Variants in EIF2AK2 observed in about 807,000 individuals in gnomAD.
The protein encoded by EIF2AK2 is interferon-induced, double-stranded RNA-activated protein kinase.
Under a neutral mutation model 70.5 loss-of-function variants are expected in EIF2AK2, and 40 were observed. That is an observed-to-expected ratio of 0.57 (90% CI 0.44 to 0.74). The LOEUF is 0.74. EIF2AK2 is among the 30% of genes least tolerant of loss of function. EIF2AK2 has a pLI of 0.00. For synonymous variants in EIF2AK2, 198 were observed against 220.9 expected (o/e 0.90, Z 0.92); for missense variants, 555 against 644.3 (o/e 0.86, Z 1.50).
At chr2:37,151,460 T>C (rs540981071) in intron 1 of EIF2AK2, among the ~76,000 whole-genome samples, 22 of 152,168 alleles carry the variant, frequency 1.4e-4, no homozygotes, top group South Asian at 4.1e-4. Context: ...AAAATAAGTG[T>C]TGGTGAGGAC....
At chr2:37,111,035 A>C (rs969397915) in intron 14 of EIF2AK2, among the ~76,000 whole-genome samples, 2 of 152,230 alleles carry the variant, frequency 1.3e-5, no homozygotes, top group Non-Finnish European at 2.9e-5. Flanking sequence ...TATGCTGAGT[A>C]AAATAAGCCA....
intron 10 of EIF2AK2, 54 bp from the exon 11 acceptor site, chr2:37,126,465 C>T (rs573478724): frequency 3.8e-6 from 6 of 1,574,550 alleles, no homozygotes; most frequent in South Asian, 3.5e-5. Flanking sequence ...CCCCCACCCC[C>T]CCGCCTCCCC....
chr2:37,148,803 T>C (rs1675645782), intron 2 of EIF2AK2, 54 bp downstream of exon 2: 4 of 824,636 alleles, frequency 4.9e-6, no homozygotes, highest in South Asian at 2.7e-5. Context: ...TTGCATGTAA[T>C]TGACTTAGAT....
chr2:37,153,479 A>G (rs1357425071), intron 1 of EIF2AK2, among the ~76,000 whole-genome samples: 1 of 151,730 alleles, frequency 6.6e-6, no homozygotes, highest in East Asian at 1.9e-4. Context: ...AGCTGGGACC[A>G]TAGGCGTGGG....
intron 5 of EIF2AK2, among the ~76,000 whole-genome samples, chr2:37,140,247 C>T (rs1675281952): frequency 1.3e-5 from 2 of 152,140 alleles, no homozygotes; most frequent in East Asian, 1.9e-4. Flanking sequence ...GCCATCTGCT[C>T]ATGTGCACAA....
At position 37,109,217 on chromosome 2, in the gene EIF2AK2, C is replaced by G; in HGVS notation, c.1456G>C (p.Asp486His). ...LILAELLHVC[D>H]TAFETSKFFT... is the part of the protein sequence containing the mutation. ...ACCTTTGATGTTTCAAAAGCAGTGT[C>G]ACATACATGAAGAAGTTCAGCAAGA... is the stretch of plus-strand genomic sequence containing the variant. Residue 486 changes from aspartate (D) to histidine (H), a missense_variant, in exon 15 of 17, where the codon GAC (aspartate) becomes CAC (histidine). Physicochemically the swap from Asp to His is moderately conservative, Grantham distance 81. This residue lies in a region of EIF2AK2 where 299 missense variants were observed against 375.4 expected (regional missense o/e 0.80). Coordinates refer to ENST00000233057, the MANE Select transcript of EIF2AK2 (RefSeq NM_001135651.3). The G allele has an allele frequency of 6.2e-7, 1 of 1,614,070 alleles. No individual in the cohort carries two copies. Among genetic ancestry groups the G allele is most frequent in the Non-Finnish European group, 8.5e-7 (1 of 1,179,974 alleles).
chr2:37,107,454 G>A lies in EIF2AK2; in HGVS notation c.1533+20C>T. On this transcript the variant is annotated intron_variant, in intron 16 of 16. Transcript: ENST00000233057. ...AAAACATTGAAATAAATAAAATTCT[G>A]ATGATTTTCAAGTGCTTACTTCTTT... 1 of 1,611,756 alleles carries A rather than the reference G, an allele frequency of 6.2e-7. No homozygotes were observed. The highest frequency in any genetic ancestry group is 8.5e-7 in the Non-Finnish European group (1 of 1,179,390).
chr2:37,154,293 C>A (rs1372399565), intron 1 of EIF2AK2, among the ~76,000 whole-genome samples: 1 of 151,334 alleles, frequency 6.6e-6, no homozygotes, highest in Non-Finnish European at 1.5e-5. Context: ...CCATTGCACT[C>A]CAGCCTGGGC....
intron 5 of EIF2AK2, 118 bp from the exon 6 acceptor site, chr2:37,139,875 A>G: frequency 1.9e-6 from 2 of 1,049,338 alleles, no homozygotes; most frequent in East Asian, 2.7e-5. Flanking sequence ...TTTATTAGAT[A>G]GATTTATAGT....
rs113975651 is a variant in EIF2AK2 at position 37,101,250 on chromosome 2, A to C, written c.*6023T>G. On this transcript the variant is annotated 3_prime_UTR_variant, in exon 17 of 17. Transcript: ENST00000233057. ...GTTGCTAGGGCACTAACTCACTCTA[A>C]AATTTGATAAATATTTATCGCATCT... 391 of 152,338 alleles carry C rather than the reference A, an allele frequency of 2.6e-3. No homozygotes were observed. The highest frequency in any genetic ancestry group is 9.2e-3 in the African/African-American group (382 of 41,570). 9.4% of individuals were successfully genotyped at this position (152,338 alleles called of 1,614,324 possible).
chr2:37,145,634 C>G (rs1441096987), intron 4 of EIF2AK2, among the ~76,000 whole-genome samples: 1 of 151,750 alleles, frequency 6.6e-6, no homozygotes, highest in Non-Finnish European at 1.5e-5. Flanking sequence ...TGCCCTAGGC[C>G]TTCACATTCA....
intron 10 of EIF2AK2, among the ~76,000 whole-genome samples, chr2:37,132,545 T>G (rs748612352): frequency 1.3e-5 from 2 of 152,152 alleles, no homozygotes; most frequent in Non-Finnish European, 1.5e-5. Flanking sequence ...GCTGAGATCG[T>G]GCCACTGCAC....
intron 15 of EIF2AK2, among the ~76,000 whole-genome samples, 171 bp downstream of exon 15, chr2:37,109,023 G>C (rs1037728622): frequency 1.3e-4 from 20 of 152,284 alleles, no homozygotes; most frequent in African/African-American, 4.8e-5. Flanking sequence ...TTAAGAAAGT[G>C]TTTGGTCTCT....
intron 15 of EIF2AK2, 60 bp downstream of exon 15, chr2:37,109,134 A>C: frequency 6.8e-7 from 1 of 1,479,170 alleles, no homozygotes; most frequent in Non-Finnish European, 9.4e-7. Flanking sequence ...CTGCAGCAGC[A>C]CTCTGAAGGT....
chr2:37,105,498 T>G lies in EIF2AK2; in HGVS notation c.*1775A>C, dbSNP rs1026907264. On this transcript the variant is annotated 3_prime_UTR_variant, in exon 17 of 17. Coordinates refer to ENST00000233057, the MANE Select transcript of EIF2AK2 (RefSeq NM_001135651.3). ...TCTGCACATCCGGCTCCCCTTCACC[T>G]TCCACCATGAGTGGAAGCAGCCGGG... The G allele has an allele frequency of 2.6e-5, 4 of 152,290 alleles. No homozygotes were observed. The highest frequency in any genetic ancestry group is 9.7e-5 in the African/African-American group (4 of 41,424). The allele number at this position is 152,290 out of a possible 1,614,324, so 9.4% of individuals were successfully genotyped here.
intron 1 of EIF2AK2, among the ~76,000 whole-genome samples, chr2:37,151,883 G>A (rs950423896): frequency 4.6e-5 from 7 of 152,178 alleles, no homozygotes; most frequent in Middle Eastern, 3.2e-3. Context: ...TCGAGACCAC[G>A]GTGAAACCTC....
At chr2:37,128,325 G>C (rs1031945463) in intron 10 of EIF2AK2, among the ~76,000 whole-genome samples, 1 of 152,096 alleles carries the variant, frequency 6.6e-6, no homozygotes, top group African/African-American at 2.4e-5. Flanking sequence ...CTGATATGGA[G>C]CTAGAAAGTA....
At chr2:37,126,625 TC>T (rs1287685150) in intron 10 of EIF2AK2, among the ~76,000 whole-genome samples, 1 of 151,974 alleles carries the variant, frequency 6.6e-6, no homozygotes, top group Non-Finnish European at 1.5e-5. Context: ...ACGTAACATA[TC>T]ACCCCAGGCA....
intron 1 of EIF2AK2, among the ~76,000 whole-genome samples, chr2:37,156,062 T>C (rs1310924351): frequency 6.6e-6 from 1 of 151,030 alleles, no homozygotes; most frequent in East Asian, 1.9e-4. Flanking sequence ...TATAGGCAGG[T>C]TGTTTGAGGA....
Sources: gnomAD v4.1 joint callset for allele counts (sites outside exome capture counted in the v4.1 genomes callset) on GRCh38, gnomAD v4.1.1 for gene constraint, gnomAD v4.1.1 regional missense constraint, MANE v1.5 for transcripts, NCBI Gene and HGNC (gene_info 2026-07-23, HGNC 2026-07-21) for gene names.